GAA: variants seen among roughly 807,000 people sequenced by gnomAD.
GAA encodes lysosomal alpha-glucosidase.
GAA carries 88 observed loss-of-function variants against 103.9 expected under a neutral mutation model. That is an observed-to-expected ratio of 0.85 (90% confidence interval 0.71 to 1.01). The LOEUF (loss-of-function observed/expected upper bound fraction) is 1.01, where lower values mean the gene tolerates loss of function less well. GAA is among the 50% of genes least tolerant of loss of function. GAA has a pLI of 0.00. For missense variants in GAA, 1,350 were observed against 1,305.3 expected, an observed-to-expected ratio of 1.03 and a Z score of -0.53; for synonymous variants, 572 against 563.1, an observed-to-expected ratio of 1.02 and a Z score of -0.22.
intron 14 of GAA, 69 bp from the exon 15 acceptor site, chr17:80,113,149 G>C: frequency 6.6e-7 from 1 of 1,512,676 alleles, no homozygotes; most frequent in Non-Finnish European, 8.9e-7. Flanking sequence ...CAGCTCTCCC[G>C]AGGCGGGGAC....
chr17:80,111,825 C>T (rs1246414981), intron 11 of GAA, 158 bp from the exon 12 acceptor site: 4 of 633,762 alleles, frequency 6.3e-6, no homozygotes, highest in Non-Finnish European at 1.1e-5. Context: ...GTAACGCCAG[C>T]CCCACAGAGG....
In GAA at chr17:80,118,453, C is replaced by G; in HGVS notation, c.2646+96C>G. 2.7e-6 allele frequency: 4 copies of G among 1,488,220 alleles called. No homozygotes were observed. The East Asian group carries it at 9.1e-5, about 34-fold the overall frequency. The allele number at this position is 1,488,220 out of a possible 1,614,324, so 92.2% of individuals were successfully genotyped here. ...GGCTTGGGGGTCCCACGATGGCTAC[C>G]TGCCACTAGGACACTCTAGCAGGTG... On this transcript the variant is annotated intron_variant, in intron 18 of 19. Coordinates refer to ENST00000302262, the MANE Select transcript of GAA (RefSeq NM_000152.5).
chr17:80,108,900 C>A lies in GAA; in HGVS notation c.1326+72C>A. The A allele has an allele frequency of 1.3e-6, 2 of 1,494,938 alleles. 1 individual carries two copies. The highest frequency in any genetic ancestry group is 2.5e-5 in the South Asian group (2 of 80,932). The allele number at this position is 1,494,938 out of a possible 1,614,324, so 92.6% of individuals were successfully genotyped here. On this transcript the variant is annotated intron_variant, in intron 8 of 19. Coordinates refer to ENST00000302262, the MANE Select transcript of GAA (RefSeq NM_000152.5). ...GCCCAGTGGCTCCTTCTCTGTGCAGCGTCATCCTCGTGCCTGTGTGGTCGC... is the reference window on the plus strand; with the variant it reads ...GCCCAGTGGCTCCTTCTCTGTGCAGAGTCATCCTCGTGCCTGTGTGGTCGC...
intron 5 of GAA, 140 bp from the exon 6 acceptor site, chr17:80,108,150 A>G: frequency 6.8e-7 from 1 of 1,466,286 alleles, no homozygotes; most frequent in Non-Finnish European, 9.5e-7. Context: ...AGTCAGGCTT[A>G]GCACGGCTTC....
In GAA at chr17:80,118,575, C is replaced by T. The variant is rs1324713796; in HGVS notation, c.2647-78C>T. ...CCTGATGCCATCATGAGTCCCTGTT[C>T]TCATGGGTGTTCCTGCCCCAGCTGT... On this transcript the variant is annotated intron_variant, in intron 18 of 19. Coordinates refer to ENST00000302262, the MANE Select transcript of GAA (RefSeq NM_000152.5). The T allele has an allele frequency of 4.5e-6, 7 of 1,559,522 alleles. No homozygotes were observed. The Middle Eastern group carries it at 6.7e-4, about 149-fold the overall frequency.
In GAA at chr17:80,112,797, C is replaced by T. The variant is rs539170593; in HGVS notation, c.1889-79C>T. ...TTGCCGGGGCCCCCCACCCACTTAG[C>T]AGGTGGGGCTCTGGGTCACTTGGCC... On this transcript the variant is annotated intron_variant, in intron 13 of 19. Coordinates refer to ENST00000302262, the MANE Select transcript of GAA (RefSeq NM_000152.5). 1.1e-5 allele frequency: 18 copies of T among 1,575,018 alleles called. No individual in the cohort carries two copies. The South Asian group carries it at 1.3e-4, about 11-fold the overall frequency.
At position 80,104,761 on chromosome 17, in the gene GAA, G is replaced by C. The variant is rs773387991; in HGVS notation, c.175G>C (p.Gly59Arg). 1.9e-6 allele frequency: 3 copies of C among 1,611,580 alleles called. No individual in the cohort carries two copies. Among genetic ancestry groups the C allele is most frequent in the Non-Finnish European group, 8.5e-7 (1 of 1,179,446 alleles). The change falls in exon 2 of 20, where the codon GGA becomes CGA. Residue 59 changes from glycine (G) to arginine (R), a missense_variant. Physicochemically the swap from Gly to Arg is moderately radical, Grantham distance 125. Transcript: ENST00000302262. The surrounding 1 kb of genome is among the most constrained non-coding windows in gnomAD (Gnocchi z 4.0). Reference sequence around the variant, plus strand: ...GGAGACTCACCCAGCTCACCAGCAGGGAGCCAGCAGACCAGGGCCCCGGGA... The same window carrying C: ...GGAGACTCACCCAGCTCACCAGCAGCGAGCCAGCAGACCAGGGCCCCGGGA... ...LEETHPAHQQ[G>R]ASRPGPRDAQ... is the part of the protein sequence containing the mutation.
At chr17:80,110,467 G>A (rs953053892) in intron 9 of GAA, among the ~76,000 whole-genome samples, 1 of 152,252 alleles carries the variant, frequency 6.6e-6, no homozygotes, top group African/African-American at 2.4e-5. Context: ...GACGCTCTCT[G>A]GTTCTGCAGC....
At chr17:80,112,141 G>T (rs1197203686) in intron 12 of GAA, 41 bp downstream of exon 12, 2 of 1,573,604 alleles carry the variant, frequency 1.3e-6, no homozygotes, top group Non-Finnish European at 1.7e-6. Context: ...TGCCCTCACA[G>T]CCTGTCCTAC....
In GAA at chr17:80,104,241, G is replaced by A. The variant is rs1388137627; in HGVS notation, c.-32-314G>A. On this transcript the variant is annotated intron_variant, in intron 1 of 19. Coordinates refer to ENST00000302262, the MANE Select transcript of GAA (RefSeq NM_000152.5). This position sits in a 1 kb window ranked among gnomAD's most constrained non-coding sequence, Gnocchi z 4.0. ...ATCTCACCACAGCACTCTGGCCCAGGCGACAGCTGTTTGGCCTGTTTCAAG... is the reference window on the plus strand; with the variant it reads ...ATCTCACCACAGCACTCTGGCCCAGACGACAGCTGTTTGGCCTGTTTCAAG... Among the ~76,000 whole-genome samples, 1 of 152,182 alleles carries A rather than the reference G, an allele frequency of 6.6e-6. No homozygotes were observed. Among genetic ancestry groups the A allele is most frequent in the East Asian group, 1.9e-4 (1 of 5,198 alleles).
chr17:80,102,904 G>C (rs1475524200), intron 1 of GAA, among the ~76,000 whole-genome samples: 1 of 152,186 alleles, frequency 6.6e-6, no homozygotes, highest in Non-Finnish European at 1.5e-5. Flanking sequence ...CTGACTCCAG[G>C]TAGTGTCAAG....
At position 80,108,777 on chromosome 17, in the gene GAA, G is replaced by A. The variant is rs762826072; in HGVS notation, c.1275G>A (p.Pro425=). The A allele has an allele frequency of 3.1e-5, 50 of 1,608,884 alleles. No individual in the cohort carries two copies. In the South Asian group the frequency reaches 4.4e-4, roughly 14 times the overall value. The change falls in exon 8 of 20, where the codon CCG becomes CCA. Residue 425 remains proline (P), a synonymous_variant. Transcript: ENST00000302262. ...TFNKDGFRDF[P]AMVQELHQGG... ...ACAAGGATGGCTTCCGGGACTTCCC[G>A]GCCATGGTGCAGGAGCTGCACCAGG...
Position 80,118,582 on chromosome 17 carries a change from G to C in GAA, c.2647-71G>C, listed in dbSNP as rs4889821. The C allele has an allele frequency of 0.032, 49,911 of 1,573,762 alleles. 2,270 individuals carry two copies. Among genetic ancestry groups the C allele is most frequent in the South Asian group, 0.14 (12,367 of 90,290 alleles). ...CCATCATGAGTCCCTGTTCTCATGGGTGTTCCTGCCCCAGCTGTCTGCTGA... is the reference window on the plus strand; with the variant it reads ...CCATCATGAGTCCCTGTTCTCATGGCTGTTCCTGCCCCAGCTGTCTGCTGA... On this transcript the variant is annotated intron_variant, in intron 18 of 19. Coordinates refer to ENST00000302262, the MANE Select transcript of GAA (RefSeq NM_000152.5).
rs748544930 is a variant in GAA at position 80,107,919 on chromosome 17, C to T, written c.955+23C>T. The T allele has an allele frequency of 5.7e-6, 9 of 1,578,102 alleles. No individual in the cohort carries two copies. In the African/African-American group the frequency reaches 8.1e-5, roughly 14 times the overall value. ...TGGGTAAGCTGCCCGCCGCCCAGCG[C>T]CCGGGCCGGGGTCTCCTCCGTGCTG... On this transcript the variant is annotated intron_variant, in intron 5 of 19. Transcript: ENST00000302262.
chr17:80,118,064 C>T, intron 17 of GAA, 129 bp from the exon 18 acceptor site: 1 of 1,092,102 alleles, frequency 9.2e-7, no homozygotes, highest in Non-Finnish European at 1.3e-6. Flanking sequence ...GCCCCTGCGG[C>T]CGCAGGTGTT....
intron 3 of GAA, 54 bp downstream of exon 3, chr17:80,105,948 C>A: frequency 6.5e-7 from 1 of 1,548,250 alleles, no homozygotes; most frequent in Non-Finnish European, 8.7e-7. Flanking sequence ...GCATTTCTCA[C>A]ACGGCAGGGA....
At position 80,118,362 on chromosome 17, in the gene GAA, G is replaced by C; in HGVS notation, c.2646+5G>C. 6 of 1,561,758 alleles carry C rather than the reference G, an allele frequency of 3.8e-6. No individual in the cohort carries two copies. Among genetic ancestry groups the C allele is most frequent in the Non-Finnish European group, 5.2e-6 (6 of 1,152,458 alleles). On this transcript the variant is annotated splice_donor_5th_base_variant and intron_variant, in intron 18 of 19. Coordinates refer to ENST00000302262, the MANE Select transcript of GAA (RefSeq NM_000152.5). ...GTCATCTTCCTGGCCAGGAATGTGAGTCCTGGGGCTGCTCAGGCTGGTGGG... is the reference window on the plus strand; with the variant it reads ...GTCATCTTCCTGGCCAGGAATGTGACTCCTGGGGCTGCTCAGGCTGGTGGG...
chr17:80,109,609 G>GT (rs1229225427), intron 8 of GAA, among the ~76,000 whole-genome samples: 1 of 140,624 alleles, frequency 7.1e-6, no homozygotes, highest in Non-Finnish European at 1.6e-5. Flanking sequence ...TTAAGAGCAG[G>GT]AGTGGAAACA....
At position 80,112,771 on chromosome 17, in the gene GAA, C is replaced by T. The variant is rs1038588035; in HGVS notation, c.1888+60C>T. Reference sequence around the variant, plus strand: ...TAGAGCCGGGGGCCTCTATGGGAGGCTTGCCGGGGCCCCCCACCCACTTAG... The same window carrying T: ...TAGAGCCGGGGGCCTCTATGGGAGGTTTGCCGGGGCCCCCCACCCACTTAG... On this transcript the variant is annotated intron_variant, in intron 13 of 19. Transcript: ENST00000302262. 7 of 1,578,342 alleles carry T rather than the reference C, an allele frequency of 4.4e-6. No individual in the cohort carries two copies. In the African/African-American group the frequency reaches 5.4e-5, roughly 12 times the overall value.
Sources: gnomAD v4.1 joint callset for allele counts (sites outside exome capture counted in the v4.1 genomes callset) on GRCh38, gnomAD v4.1.1 for gene constraint, Gnocchi (gnomAD v3.1) non-coding constraint, MANE v1.5 for transcripts, NCBI Gene and HGNC (gene_info 2026-07-23, HGNC 2026-07-21) for gene names.